Variants in CEP120 observed in about 807,000 individuals in gnomAD.
CEP120 encodes the protein centrosomal protein 120, also known as centrosomal protein of 120 kDa.
CEP120 carries 113 observed loss-of-function variants against 126.5 expected under a neutral mutation model. The observed-to-expected ratio is 0.89, with a 90% CI of 0.77 to 1.04. The LOEUF is 1.04. Ranked by LOEUF, CEP120 falls within the 50% of genes least tolerant of loss-of-function variation. The probability of loss-of-function intolerance (pLI) is 0.00; values close to 1 mark genes in which losing one functional copy is unlikely to be tolerated. For synonymous variants in CEP120, 400 were observed against 394.3 expected (o/e 1.01, Z -0.17); for missense variants, 1,230 against 1,155.7 (o/e 1.06, Z -0.93).
At chr5:123,379,211 A>G (rs942760501) in intron 14 of CEP120, among the ~76,000 whole-genome samples, 1 of 152,028 alleles carries the variant, frequency 6.6e-6, no homozygotes, top group Non-Finnish European at 1.5e-5. Context: ...AGGACGTCTT[A>G]GCGCTTGAGG....
At chr5:123,367,190 G>A (rs999894670) in intron 17 of CEP120, among the ~76,000 whole-genome samples, 1 of 151,834 alleles carries the variant, frequency 6.6e-6, no homozygotes, top group Non-Finnish European at 1.5e-5. Context: ...TTCTCTTCCT[G>A]TCTCTGATTT....
At chr5:123,367,127 C>T (rs533547020) in intron 17 of CEP120, among the ~76,000 whole-genome samples, 10 of 151,900 alleles carry the variant, frequency 6.6e-5, no homozygotes, top group South Asian at 2.1e-4. Context: ...AATTACTTTA[C>T]GAACTCTTTA....
At chr5:123,370,022 A>G (rs1420979071) in intron 17 of CEP120, among the ~76,000 whole-genome samples, 1 of 152,046 alleles carries the variant, frequency 6.6e-6, no homozygotes, top group Non-Finnish European at 1.5e-5. Flanking sequence ...GAATAAATGA[A>G]TATATGAAAA....
intron 15 of CEP120, among the ~76,000 whole-genome samples, chr5:123,377,760 T>A (rs1457855161): frequency 6.6e-6 from 1 of 152,148 alleles, no homozygotes; most frequent in African/African-American, 2.4e-5. Context: ...ACAATTTGTA[T>A]AAATTCACTT....
chr5:123,388,352 ATT>A, intron 9 of CEP120, 78 bp downstream of exon 9: 1 of 960,450 alleles, frequency 1.0e-6, no homozygotes, highest in Non-Finnish European at 1.5e-6. Flanking sequence ...CTTTGGTGAC[ATT>A]TCTCTCTGCA....
intron 2 of CEP120, among the ~76,000 whole-genome samples, chr5:123,417,931 A>G (rs1038243865): frequency 2.0e-5 from 3 of 152,228 alleles, no homozygotes; most frequent in African/African-American, 7.2e-5. Context: ...ATTGTTGCAA[A>G]GTACTTTAAA....
At chr5:123,411,301 C>A (rs6889862) in intron 4 of CEP120, among the ~76,000 whole-genome samples, 65,881 of 151,964 alleles carry the variant, frequency 0.43, 14,242 homozygotes, top group East Asian at 0.47. Context: ...CATACTCTTA[C>A]CACATGATCC....
At chr5:123,350,959 A>G (rs1325059797) in intron 18 of CEP120, among the ~76,000 whole-genome samples, 8 of 152,230 alleles carry the variant, frequency 5.3e-5, no homozygotes, top group Non-Finnish European at 2.9e-5. Flanking sequence ...TCTATCACAC[A>G]GTTAGCTCAG....
At chr5:123,411,880 T>C (rs775435800) in intron 4 of CEP120, among the ~76,000 whole-genome samples, 27 of 152,236 alleles carry the variant, frequency 1.8e-4, no homozygotes, top group Non-Finnish European at 2.2e-4. Flanking sequence ...GATATGTTCA[T>C]GCATTGTAGT....
chr5:123,352,902 A>C (rs890362778), intron 18 of CEP120, among the ~76,000 whole-genome samples: 1 of 65,626 alleles, frequency 1.5e-5, no homozygotes, highest in African/African-American at 6.1e-5. Context: ...TAGATGGTAG[A>C]GCTTTACAAT....
At chr5:123,366,708 C>T (rs1410034945) in intron 17 of CEP120, among the ~76,000 whole-genome samples, 1 of 151,910 alleles carries the variant, frequency 6.6e-6, no homozygotes, top group African/African-American at 2.4e-5. Flanking sequence ...GTCTCTCCAG[C>T]CTCCCAGCCT....
chr5:123,367,101 C>A (rs1245293439), intron 17 of CEP120, among the ~76,000 whole-genome samples: 2 of 151,784 alleles, frequency 1.3e-5, no homozygotes, highest in South Asian at 4.1e-4. Context: ...ATTTACTGCT[C>A]TCTGAGTAAT....
chr5:123,407,248 T>C (rs963550999), intron 4 of CEP120, among the ~76,000 whole-genome samples: 3 of 152,034 alleles, frequency 2.0e-5, no homozygotes, highest in African/African-American at 7.2e-5. Flanking sequence ...AATAAGGTTA[T>C]TCATGCAACT....
In CEP120 at chr5:123,346,418, G is replaced by A. The variant is rs1768818601; in HGVS notation, c.*101C>T. The A allele has an allele frequency of 2.3e-6, 2 of 886,978 alleles. No individual in the cohort carries two copies. Among genetic ancestry groups the A allele is most frequent in the African/African-American group, 3.4e-5 (2 of 58,932 alleles). The allele number at this position is 886,978 out of a possible 1,614,324, so 54.9% of individuals were successfully genotyped here. On this transcript the variant is annotated 3_prime_UTR_variant, in exon 20 of 20. Coordinates refer to ENST00000306467, the MANE Select transcript of CEP120 (RefSeq NM_001375405.1). ...TACAAAATTTTGCTTATAAAAAATT[G>A]AAAATACCATTTTAAAACATCCATT...
In CEP120 at chr5:123,384,990, T is replaced by G. The variant is rs138301591; in HGVS notation, c.1724A>C (p.Gln575Pro). Residue 575 changes from glutamine (Q) to proline (P), a missense_variant, in exon 11 of 20, where the codon CAA (glutamine) becomes CCA (proline). Coordinates refer to ENST00000306467, the MANE Select transcript of CEP120 (RefSeq NM_001375405.1). Reference sequence around the variant, plus strand: ...AACAGGCACACTTTCACTGTAAGTTTGACGCCAACACTGTTCACCATTAGA... The same window carrying G: ...AACAGGCACACTTTCACTGTAAGTTGGACGCCAACACTGTTCACCATTAGA... ...LGSNGEQCWR[Q>P]TYSESVPVIA... is the part of the protein sequence containing the mutation. The G allele has an allele frequency of 1.9e-6, 3 of 1,611,998 alleles. No individual in the cohort carries two copies. In the African/African-American group the frequency reaches 4.0e-5, roughly 22 times the overall value.
chr5:123,417,465 A>G (rs1046544171), intron 2 of CEP120, among the ~76,000 whole-genome samples: 1 of 152,160 alleles, frequency 6.6e-6, no homozygotes. Flanking sequence ...AATATATACT[A>G]TAACTTTAAG....
At chr5:123,393,165 G>C (rs1019763310) in intron 6 of CEP120, 135 bp downstream of exon 6, 19 of 768,630 alleles carry the variant, frequency 2.5e-5, no homozygotes, top group Non-Finnish European at 4.0e-5. Context: ...AAAAAAATTA[G>C]AAGATGTGGC....
chr5:123,371,730 T>C (rs1294256980), intron 17 of CEP120, among the ~76,000 whole-genome samples: 3 of 152,030 alleles, frequency 2.0e-5, no homozygotes, highest in African/African-American at 7.2e-5. Flanking sequence ...TGGAAAAAAC[T>C]TCCCAACATA....
At position 123,416,908 on chromosome 5, in the gene CEP120, T is replaced by C. The variant is rs191621185; in HGVS notation, c.207-784A>G. 4.5e-3 allele frequency among the ~76,000 whole-genome samples: 690 copies of C among 152,130 alleles called. 1 individual carries two copies. The highest frequency in any genetic ancestry group is 7.7e-3 in the Non-Finnish European group (524 of 67,976). On this transcript the variant is annotated intron_variant, in intron 2 of 19. Coordinates refer to ENST00000306467, the MANE Select transcript of CEP120 (RefSeq NM_001375405.1). ...TAAAATAAATTAAAATTTAAATTAA[T>C]AATATAACACATAACAGTGTTCTGA...
Sources: allele counts gnomAD v4.1 joint callset (sites outside exome capture counted in the v4.1 genomes callset), GRCh38; gene constraint gnomAD v4.1.1; transcripts MANE v1.5; gene names NCBI Gene and HGNC (gene_info 2026-07-23, HGNC 2026-07-21).